GRAMD1B: variants seen among roughly 807,000 people sequenced by gnomAD.
GRAMD1B encodes GRAM domain containing 1B, also known as protein Aster-B.
GRAMD1B carries 37 observed loss-of-function variants against 99.7 expected under a neutral mutation model. The ratio of observed to expected loss-of-function variants is 0.37; its 90% confidence interval spans 0.29 to 0.49. The LOEUF is 0.49. Ranked by LOEUF, GRAMD1B falls within the 20% of genes least tolerant of loss-of-function variation. The probability of loss-of-function intolerance (pLI) is 0.98; values close to 1 mark genes in which losing one functional copy is unlikely to be tolerated. For synonymous variants in GRAMD1B, 427 were observed against 387.6 expected, an observed-to-expected ratio of 1.10 and a Z score of -1.19; for missense variants, 888 against 1,009.2, an observed-to-expected ratio of 0.88 and a Z score of 1.63.
rs374072933 is a variant in GRAMD1B at position 123,378,728 on chromosome 11, G to T, written c.-176+19929G>T. On this transcript the variant is annotated intron_variant, in intron 1 of 20. Transcript: ENST00000638157. ...ATGCAGAAAGATTACAGCATATGTA[G>T]GCCCTTCTGAGGGTAATTCATGTGA... 1.2e-4 allele frequency among the ~76,000 whole-genome samples: 18 copies of T among 152,324 alleles called. No individual in the cohort carries two copies. In the East Asian group the frequency reaches 3.5e-3, roughly 29 times the overall value.
At chr11:123,603,167 CA>C (rs1281973991) in intron 8 of GRAMD1B, among the ~76,000 whole-genome samples, 2 of 152,198 alleles carry the variant, frequency 1.3e-5, no homozygotes, top group Non-Finnish European at 2.9e-5. Context: ...GCCAGTTGGT[CA>C]CGTTCTACAA....
At chr11:123,415,333 T>C (rs1948199439) in intron 1 of GRAMD1B, among the ~76,000 whole-genome samples, 1 of 152,046 alleles carries the variant, frequency 6.6e-6, no homozygotes. Flanking sequence ...GATTTCTTGA[T>C]CTCATGATCC....
At chr11:123,503,997 A>G (rs372943737) in intron 2 of GRAMD1B, among the ~76,000 whole-genome samples, 4 of 152,234 alleles carry the variant, frequency 2.6e-5, no homozygotes, top group South Asian at 4.1e-4. Context: ...CTATTAAATA[A>G]TGTGCTAGAG....
intron 1 of GRAMD1B, among the ~76,000 whole-genome samples, chr11:123,411,756 T>G (rs1490552571): frequency 1.3e-5 from 2 of 152,022 alleles, no homozygotes; most frequent in African/African-American, 4.8e-5. Flanking sequence ...TCAGTGATCC[T>G]CCCACCTCAG....
intron 5 of GRAMD1B, among the ~76,000 whole-genome samples, chr11:123,594,429 T>A (rs1951020393): frequency 6.6e-6 from 1 of 152,248 alleles, no homozygotes; most frequent in South Asian, 2.1e-4. Flanking sequence ...GTTAGCATAG[T>A]TGTGGACTGG....
intron 4 of GRAMD1B, among the ~76,000 whole-genome samples, chr11:123,590,332 TGA>T (rs1950524490): frequency 6.6e-6 from 1 of 152,170 alleles, no homozygotes; most frequent in Non-Finnish European, 1.5e-5. Flanking sequence ...TGGTGAGGTG[TGA>T]GAGTGTCTCC....
At chr11:123,563,640 T>A (rs960079883) in intron 2 of GRAMD1B, among the ~76,000 whole-genome samples, 4 of 152,222 alleles carry the variant, frequency 2.6e-5, no homozygotes, top group South Asian at 2.1e-4. Context: ...GCCTCCCAAG[T>A]AGCTGGGATT....
At chr11:123,520,089 G>A (rs1942055973) in intron 2 of GRAMD1B, among the ~76,000 whole-genome samples, 1 of 152,232 alleles carries the variant, frequency 6.6e-6, no homozygotes, top group South Asian at 2.1e-4. Context: ...GATTAGGAAA[G>A]GAACAGTGCC....
intron 7 of GRAMD1B, chr11:123,598,334 C>A: frequency 8.4e-7 from 1 of 1,194,162 alleles, no homozygotes; most frequent in Non-Finnish European, 1.3e-6. Flanking sequence ...TGATCTCGTT[C>A]TCTTCATCTT....
intron 1 of GRAMD1B, among the ~76,000 whole-genome samples, chr11:123,457,880 A>G (rs1008515960): frequency 6.6e-6 from 1 of 151,934 alleles, no homozygotes; most frequent in Non-Finnish European, 1.5e-5. Flanking sequence ...GCACCTGGCT[A>G]ATTTCTCCAC....
At chr11:123,432,328 G>A (rs1046005934) in intron 1 of GRAMD1B, among the ~76,000 whole-genome samples, 27 of 152,108 alleles carry the variant, frequency 1.8e-4, no homozygotes, top group Admixed American at 1.2e-3. Flanking sequence ...AGGCCGAAGC[G>A]TGTGGATCAC....
chr11:123,475,890 AT>A (rs1326480881), intron 1 of GRAMD1B, among the ~76,000 whole-genome samples: 6 of 152,044 alleles, frequency 3.9e-5, no homozygotes, highest in Admixed American at 2.6e-4. Context: ...TGCTCTTTTC[AT>A]GGTCTCCGAA....
chr11:123,442,257 T>C (rs967695553), intron 1 of GRAMD1B, among the ~76,000 whole-genome samples: 1 of 152,214 alleles, frequency 6.6e-6, no homozygotes, highest in Non-Finnish European at 1.5e-5. Flanking sequence ...TTTTTCTTTT[T>C]TTATTTTTTC....
intron 1 of GRAMD1B, chr11:123,435,299 A>G: frequency 1.6e-6 from 1 of 632,288 alleles, no homozygotes; most frequent in Non-Finnish European, 2.8e-6. Flanking sequence ...CTTGCTATGA[A>G]ATTCAGCGTG....
intron 4 of GRAMD1B, among the ~76,000 whole-genome samples, chr11:123,584,679 C>G (rs1949887125): frequency 6.6e-6 from 1 of 152,078 alleles, no homozygotes; most frequent in Non-Finnish European, 1.5e-5. Context: ...GCCTGGGGGC[C>G]TGAACTTAGT....
chr11:123,392,209 G>A lies in GRAMD1B; in HGVS notation c.-176+33410G>A, dbSNP rs76865953. On this transcript the variant is annotated intron_variant, in intron 1 of 20. Transcript: ENST00000638157. The stretch of plus-strand genomic sequence containing the variant: ...AATGAGTAAGTTAGAAAGGGTAGAA[G>A]AGGAGAATGAAAGCAGGGACAAGTC... Among the ~76,000 whole-genome samples the A allele has an allele frequency of 8.4e-3, 1,285 of 152,136 alleles. 13 individuals carry two copies. Among genetic ancestry groups the A allele is most frequent in the African/African-American group, 0.029 (1,188 of 41,486 alleles).
chr11:123,505,662 A>G (rs1940348990), intron 2 of GRAMD1B, among the ~76,000 whole-genome samples: 1 of 152,188 alleles, frequency 6.6e-6, no homozygotes. Flanking sequence ...CTTGCTCAAG[A>G]TTCACAGATG....
In GRAMD1B at chr11:123,439,266, G is replaced by A. The variant is rs114895559; in HGVS notation, c.374+8100G>A. The stretch of plus-strand genomic sequence containing the variant: ...AGGGACTCAGAACAGAAAATCGAAT[G>A]TGGGTTTTCCAGTGGGAGAAGGGAA... On this transcript the variant is annotated intron_variant, in intron 1 of 19. Coordinates refer to ENST00000635736, the MANE Select transcript of GRAMD1B (RefSeq NM_001387025.1). Among the ~76,000 whole-genome samples, 873 of 152,280 alleles carry A rather than the reference G, an allele frequency of 5.7e-3. 9 individuals carry two copies. The highest frequency in any genetic ancestry group is 0.02 in the African/African-American group (817 of 41,556).
At chr11:123,456,169 T>C (rs1950109313) in intron 1 of GRAMD1B, among the ~76,000 whole-genome samples, 1 of 147,442 alleles carries the variant, frequency 6.8e-6, no homozygotes, top group South Asian at 2.1e-4. Flanking sequence ...AGAGAGACTG[T>C]CTCAAAAACA....
Sources: allele counts gnomAD v4.1 joint callset (sites outside exome capture counted in the v4.1 genomes callset), GRCh38; gene constraint gnomAD v4.1.1; transcripts MANE v1.5; gene names NCBI Gene and HGNC (gene_info 2026-07-23, HGNC 2026-07-21).